Variants in UVSSA observed in about 807,000 individuals in gnomAD.
The protein encoded by UVSSA is UV-stimulated scaffold protein A.
In UVSSA, 72 loss-of-function variants were observed where a neutral mutation model predicts 73.9. That is an observed-to-expected ratio of 0.97 (90% CI 0.81 to 1.19). The LOEUF (loss-of-function observed/expected upper bound fraction) is 1.19, where lower values mean the gene tolerates loss of function less well. Ranked by LOEUF, UVSSA falls within the 50% of genes most tolerant of loss-of-function variation. UVSSA has a pLI of 0.00. For missense variants in UVSSA, 1,150 were observed against 965.0 expected (o/e 1.19, Z -2.54); for synonymous variants, 454 against 391.3 (o/e 1.16, Z -1.89).
rs1327715448 is a variant in UVSSA at position 1,354,717 on chromosome 4, CTG to C, written c.935-13_935-12del. On this transcript the variant is annotated splice_polypyrimidine_tract_variant and intron_variant, in intron 5 of 13. Transcript: ENST00000389851. ...GCCAGTCGGCGCCCTCTTGTGACCT[CTG>C]TGTGCTTCTCCCCAGAGGGCCTGAA... 1 of 1,610,104 alleles carries C rather than the reference CTG, an allele frequency of 6.2e-7. No individual in the cohort carries two copies. The highest frequency in any genetic ancestry group is 1.7e-5 in the Admixed American group (1 of 59,880).
At chr4:1,343,123 G>A (rs1443496861), upstream of UVSSA, among the ~76,000 whole-genome samples, 3 of 152,142 alleles carry the variant, frequency 2.0e-5, no homozygotes, top group South Asian at 2.1e-4. Flanking sequence ...AGAAGACCAC[G>A]GACTAGCGGG....
At chr4:1,376,582 G>T (rs190527635) in intron 10 of UVSSA, among the ~76,000 whole-genome samples, 1 of 152,160 alleles carries the variant, frequency 6.6e-6, no homozygotes, top group Non-Finnish European at 1.5e-5. Flanking sequence ...GACCTCAGGC[G>T]GGGGCTCTGC....
chr4:1,393,291 T>G (rs771804873), exon 14 of UVSSA: 4 of 152,260 alleles, frequency 2.6e-5, no homozygotes, highest in Admixed American at 2.0e-4. Flanking sequence ...CTATAATTTC[T>G]GTATCTTTAC....
exon 14 of UVSSA, chr4:1,394,270 T>C: frequency 1.3e-6 from 1 of 783,098 alleles, no homozygotes; most frequent in Non-Finnish European, 2.0e-6. Flanking sequence ...GATCTTCCTT[T>C]CATGAGTTAT....
At chr4:1,356,381 G>A (rs1258499000) in intron 7 of UVSSA, among the ~76,000 whole-genome samples, 1 of 152,162 alleles carries the variant, frequency 6.6e-6, no homozygotes, top group Non-Finnish European at 1.5e-5. Flanking sequence ...AGCCCCCCCA[G>A]GGGCCAGCAG....
upstream of UVSSA, among the ~76,000 whole-genome samples, chr4:1,343,028 A>G (rs1433597766): frequency 1.3e-5 from 2 of 152,138 alleles, no homozygotes; most frequent in East Asian, 3.8e-4. Context: ...AACACTGTAA[A>G]AAGTGTGCTG....
At position 1,375,437 on chromosome 4, in the gene UVSSA, G is replaced by T. The variant is rs781294465; in HGVS notation, c.1362G>T (p.Val454=). 1.2e-6 allele frequency: 2 copies of T among 1,613,420 alleles called. No homozygotes were observed. Among genetic ancestry groups the T allele is most frequent in the African/African-American group, 2.7e-5 (2 of 75,060 alleles). The change falls in exon 9 of 14, where the codon GTG becomes GTT. Residue 454 remains valine, a synonymous_variant. Transcript: ENST00000389851. ...CGAGGACGAGGATGGACGAGGAGGT[G>T]TCGGACCCCACCTCTGCGGCTGCTC... ...LRTRTRMDEE[V]SDPTSAAAQL... is the part of the protein sequence containing the mutation.
chr4:1,387,071 CTTTATTTA>C lies in UVSSA; in HGVS notation c.*1126_*1133del, dbSNP rs533821374. ...TAGATCCTCATGTGATTTGCAAAAACTTTATTTATTTATTTATTTATTTTTGAAATGGA... is the reference window on the plus strand; with the variant it reads ...TAGATCCTCATGTGATTTGCAAAAACTTTATTTATTTATTTTTGAAATGGA... On this transcript the variant is annotated 3_prime_UTR_variant, in exon 14 of 14. Coordinates refer to ENST00000389851, the MANE Select transcript of UVSSA (RefSeq NM_020894.4). 6.6e-6 allele frequency: 1 copy of C among 150,992 alleles called. No homozygotes were observed. The highest frequency in any genetic ancestry group is 2.1e-4 in the South Asian group (1 of 4,748). 9.4% of individuals were successfully genotyped at this position (150,992 alleles called of 1,614,324 possible). A position where few individuals can be genotyped will look rare whatever the true frequency, so the allele number is the denominator to read the frequency against.
At chr4:1,372,802 C>T (rs113033833) in intron 8 of UVSSA, among the ~76,000 whole-genome samples, 10,380 of 59,698 alleles carry the variant, frequency 0.17, 2,515 homozygotes, top group East Asian at 0.48. Flanking sequence ...CCTGCACTCA[C>T]CTCCCGCGTC....
intron 8 of UVSSA, 186 bp from the exon 9 acceptor site, chr4:1,375,178 C>T (rs1010457561): frequency 1.5e-5 from 13 of 886,994 alleles, no homozygotes; most frequent in Admixed American, 7.3e-5. Context: ...TCTGGCAGAG[C>T]GTGGCCTGAG....
At chr4:1,350,562 T>C (rs1714551379) in intron 3 of UVSSA, among the ~76,000 whole-genome samples, 1 of 152,208 alleles carries the variant, frequency 6.6e-6, no homozygotes, top group Non-Finnish European at 1.5e-5. Context: ...TCTCGTCACC[T>C]CTTTTAAGTT....
intron 8 of UVSSA, among the ~76,000 whole-genome samples, chr4:1,372,335 T>C (rs949800551): frequency 9.9e-5 from 15 of 152,222 alleles, no homozygotes; most frequent in African/African-American, 3.1e-4. Context: ...CTGTCACGCG[T>C]CCATCCATGG....
chr4:1,364,227 G>A (rs1309691667), intron 7 of UVSSA, among the ~76,000 whole-genome samples: 3 of 75,714 alleles, frequency 4.0e-5, no homozygotes, highest in African/African-American at 1.1e-4. Context: ...GCTGGTGCCC[G>A]GGCCCCGTGG....
intron 7 of UVSSA, chr4:1,358,030 C>G (rs1247894127): frequency 1.3e-5 from 2 of 152,338 alleles, no homozygotes; most frequent in Non-Finnish European, 2.9e-5. Context: ...GAGCATCTCA[C>G]GCCCCACGTG....
Position 1,375,516 on chromosome 4 carries a change from C to G in UVSSA, c.1433+8C>G, listed in dbSNP as rs369882233. 2 of 1,607,770 alleles carry G rather than the reference C, an allele frequency of 1.2e-6. No individual in the cohort carries two copies. The highest frequency in any genetic ancestry group is 2.2e-5 in the East Asian group (1 of 44,858). On this transcript the variant is annotated splice_region_variant and intron_variant, in intron 9 of 13. Transcript: ENST00000389851. ...TCCACCCTCATCTGCCAGGTGACTC[C>G]CAGTGTCCTGTGTGCTGAGCCCCCT...
intron 8 of UVSSA, among the ~76,000 whole-genome samples, chr4:1,371,448 C>A (rs565952122): frequency 1.3e-4 from 20 of 152,250 alleles, no homozygotes; most frequent in South Asian, 6.2e-4. Context: ...GGTTTTCTTT[C>A]GTCAGTTCCG....
At chr4:1,394,159 C>T (rs559718461) in exon 14 of UVSSA, 101 of 415,398 alleles carry the variant, frequency 2.4e-4, no homozygotes, top group Non-Finnish European at 3.7e-4. Flanking sequence ...AGGTTCCTCT[C>T]GGGCACACAC....
chr4:1,388,338 A>G (rs1348850610), downstream of UVSSA: 1 of 152,250 alleles, frequency 6.6e-6, no homozygotes, highest in Admixed American at 6.5e-5. Context: ...TCTTGTATCC[A>G]GCATTCCTTG....
intron 10 of UVSSA, among the ~76,000 whole-genome samples, chr4:1,377,386 C>A (rs935484209): frequency 6.6e-6 from 1 of 152,200 alleles, no homozygotes; most frequent in African/African-American, 2.4e-5. Context: ...GATTTGAGGG[C>A]CCCGTCCTCA....
Sources: gnomAD v4.1 joint callset for allele counts (sites outside exome capture counted in the v4.1 genomes callset) on GRCh38, gnomAD v4.1.1 for gene constraint, MANE v1.5 for transcripts, NCBI Gene and HGNC (gene_info 2026-07-23, HGNC 2026-07-21) for gene names.